The following SLC25A21 variants were observed in gnomAD, a reference collection of about 807,000 sequenced individuals.
SLC25A21 encodes the protein solute carrier family 25 member 21.
SLC25A21 carries 47 observed loss-of-function variants against 43.8 expected under a neutral mutation model. The ratio of observed to expected loss-of-function variants is 1.07; its 90% CI spans 0.85 to 1.37. SLC25A21 has a LOEUF of 1.37. Ranked by LOEUF, SLC25A21 falls within the 40% of genes most tolerant of loss-of-function variation. The pLI is 0.00. For synonymous variants in SLC25A21, 131 were observed against 121.3 expected (o/e 1.08, Z -0.52); for missense variants, 352 against 350.2 (o/e 1.00, Z -0.04).
At chr14:36,758,497 C>T (rs944105084) in intron 3 of SLC25A21, among the ~76,000 whole-genome samples, 1 of 148,988 alleles carries the variant, frequency 6.7e-6, no homozygotes. Flanking sequence ...GGACTCCGGG[C>T]ATGTTTGGAG....
At chr14:36,765,289 C>T (rs543595830) in intron 3 of SLC25A21, among the ~76,000 whole-genome samples, 4 of 152,266 alleles carry the variant, frequency 2.6e-5, no homozygotes, top group Admixed American at 6.5e-5. Context: ...GGACCAGAAA[C>T]GCAAGTAAAG....
chr14:36,953,793 ATACT>A (rs1326392110), intron 1 of SLC25A21, among the ~76,000 whole-genome samples: 1 of 152,206 alleles, frequency 6.6e-6, no homozygotes, highest in Non-Finnish European at 1.5e-5. Flanking sequence ...TTCTTCAAAA[ATACT>A]TACCACATAG....
intron 3 of SLC25A21, among the ~76,000 whole-genome samples, chr14:36,775,839 C>G (rs1195570398): frequency 6.6e-6 from 1 of 152,152 alleles, no homozygotes; most frequent in Non-Finnish European, 1.5e-5. Flanking sequence ...GCCCTACCCC[C>G]ACCCAAATAC....
chr14:36,789,195 T>C (rs371748479), intron 3 of SLC25A21, among the ~76,000 whole-genome samples: 3 of 152,202 alleles, frequency 2.0e-5, no homozygotes, highest in Non-Finnish European at 2.9e-5. Flanking sequence ...TTGGAGTTAA[T>C]ACTGACATTG....
At chr14:36,959,820 T>C (rs1176277392) in intron 1 of SLC25A21, among the ~76,000 whole-genome samples, 1 of 152,126 alleles carries the variant, frequency 6.6e-6, no homozygotes, top group Non-Finnish European at 1.5e-5. Context: ...TATCTTCTCC[T>C]GGAATATTAA....
intron 5 of SLC25A21, among the ~76,000 whole-genome samples, chr14:36,726,072 C>A (rs1422807804): frequency 6.6e-6 from 1 of 152,102 alleles, no homozygotes; most frequent in African/African-American, 2.4e-5. Context: ...CTTTATTGAG[C>A]ATATAAGAAA....
At chr14:36,922,233 C>T (rs1263318504) in intron 1 of SLC25A21, among the ~76,000 whole-genome samples, 2 of 151,972 alleles carry the variant, frequency 1.3e-5, no homozygotes, top group African/African-American at 4.8e-5. Context: ...CCTCCTTCCA[C>T]CATAAACAAC....
At chr14:37,066,488 C>A (rs1962062991) in intron 1 of SLC25A21, among the ~76,000 whole-genome samples, 1 of 151,974 alleles carries the variant, frequency 6.6e-6, no homozygotes, top group Admixed American at 6.6e-5. Context: ...AAATAAAAAG[C>A]ATTGTACTAA....
chr14:37,137,978 G>A (rs147722342), intron 1 of SLC25A21, among the ~76,000 whole-genome samples: 1 of 152,122 alleles, frequency 6.6e-6, no homozygotes, highest in African/African-American at 2.4e-5. Flanking sequence ...TGCCTTTAAA[G>A]TGCTTTTACT....
intron 1 of SLC25A21, among the ~76,000 whole-genome samples, chr14:37,149,947 T>C (rs1963730861): frequency 6.6e-6 from 1 of 152,160 alleles, no homozygotes. Context: ...GCATTTCCCA[T>C]TCATAAACCA....
intron 3 of SLC25A21, among the ~76,000 whole-genome samples, chr14:36,776,772 A>G (rs1886851038): frequency 6.6e-6 from 1 of 152,044 alleles, no homozygotes; most frequent in East Asian, 1.9e-4. Context: ...CTTCTATTTC[A>G]CAGAGTAAAT....
At chr14:36,723,646 G>T (rs1375587285) in intron 6 of SLC25A21, among the ~76,000 whole-genome samples, 1 of 152,204 alleles carries the variant, frequency 6.6e-6, no homozygotes, top group Non-Finnish European at 1.5e-5. Context: ...TGGGCAGGAA[G>T]GGTGTTTATT....
intron 3 of SLC25A21, among the ~76,000 whole-genome samples, chr14:36,757,288 T>TTGGG (rs1885972217): frequency 6.6e-6 from 1 of 151,778 alleles, no homozygotes; most frequent in Non-Finnish European, 1.5e-5. Flanking sequence ...ACTGAAATAA[T>TTGGG]TACAAAAAAG....
chr14:36,689,135 C>T (rs531287175), intron 7 of SLC25A21, among the ~76,000 whole-genome samples: 4 of 152,192 alleles, frequency 2.6e-5, no homozygotes, highest in Non-Finnish European at 4.4e-5. Flanking sequence ...ACAATCATGG[C>T]AGAAGGCAAG....
intron 1 of SLC25A21, among the ~76,000 whole-genome samples, chr14:37,150,357 G>A (rs916271265): frequency 5.3e-5 from 8 of 151,780 alleles, no homozygotes; most frequent in African/African-American, 9.7e-5. Flanking sequence ...CAAATTTTAC[G>A]GCAAGAACCA....
intron 3 of SLC25A21, among the ~76,000 whole-genome samples, chr14:36,769,187 C>T (rs139004927): frequency 1.3e-3 from 201 of 152,260 alleles, no homozygotes; most frequent in African/African-American, 4.6e-3. Context: ...AGTGTGATCA[C>T]GGGGCTCCTC....
At chr14:36,983,138 T>A (rs1472588587) in intron 1 of SLC25A21, among the ~76,000 whole-genome samples, 1 of 152,194 alleles carries the variant, frequency 6.6e-6, no homozygotes, top group East Asian at 1.9e-4. Context: ...ACTTGACATT[T>A]AAGAGTCTTG....
intron 8 of SLC25A21, 148 bp downstream of exon 8, chr14:36,684,596 T>C: frequency 1.5e-6 from 1 of 648,002 alleles, no homozygotes. Context: ...TGTGTTGTCT[T>C]GGAAAGTTTG....
intron 3 of SLC25A21, among the ~76,000 whole-genome samples, chr14:36,810,886 A>G (rs557790138): frequency 2.1e-5 from 2 of 94,550 alleles, no homozygotes; most frequent in South Asian, 7.4e-4. Context: ...GAAAGAAAAG[A>G]GTGGGGGAAA....
Sources: allele counts gnomAD v4.1 joint callset (sites outside exome capture counted in the v4.1 genomes callset), GRCh38; gene constraint gnomAD v4.1.1; transcripts MANE v1.5; gene names NCBI Gene and HGNC (gene_info 2026-07-23, HGNC 2026-07-21).